The following EFNA5 variants were observed in gnomAD, a reference collection of about 807,000 sequenced individuals.
EFNA5 encodes the protein ephrin A5.
EFNA5 carries 5 observed loss-of-function variants against 22.9 expected under a neutral mutation model. That is an observed-to-expected ratio of 0.22 (90% CI 0.11 to 0.46). EFNA5 has a LOEUF of 0.46. EFNA5 is among the 20% of genes least tolerant of loss of function. The probability of loss-of-function intolerance (pLI) is 0.99; values close to 1 mark genes in which losing one functional copy is unlikely to be tolerated. For missense variants in EFNA5, 237 were observed against 293.3 expected (o/e 0.81, Z 1.40); for synonymous variants, 113 against 112.2 (o/e 1.01, Z -0.04).
intron 1 of EFNA5, among the ~76,000 whole-genome samples, chr5:107,619,007 T>C (rs35532): frequency 0.024 from 3,585 of 151,926 alleles, 58 homozygotes; most frequent in Non-Finnish European, 0.037. Flanking sequence ...CTGCAAGCTC[T>C]GCCTCCCGGG....
chr5:107,544,728 A>G (rs1032054955), intron 1 of EFNA5, among the ~76,000 whole-genome samples: 4 of 152,182 alleles, frequency 2.6e-5, no homozygotes, highest in African/African-American at 9.7e-5. Flanking sequence ...CCATACTAGA[A>G]TTATTTCTTT....
intron 1 of EFNA5, among the ~76,000 whole-genome samples, chr5:107,514,694 A>G (rs1292040737): frequency 1.3e-5 from 2 of 152,200 alleles, no homozygotes; most frequent in African/African-American, 4.8e-5. Flanking sequence ...AGGAGGAGAA[A>G]CAAATGCTCA....
intron 1 of EFNA5, among the ~76,000 whole-genome samples, chr5:107,549,858 C>G (rs1191256604): frequency 1.3e-5 from 2 of 152,244 alleles, no homozygotes; most frequent in African/African-American, 4.8e-5. Context: ...CTGTCCAGAT[C>G]CTTCAGCACC....
intron 1 of EFNA5, among the ~76,000 whole-genome samples, chr5:107,458,387 T>G (rs752594874): frequency 1.3e-5 from 2 of 151,984 alleles, no homozygotes; most frequent in Non-Finnish European, 2.9e-5. Context: ...TGTAATTACA[T>G]TTTGAGATGT....
At chr5:107,547,749 T>C (rs1444568665) in intron 1 of EFNA5, among the ~76,000 whole-genome samples, 1 of 152,214 alleles carries the variant, frequency 6.6e-6, no homozygotes, top group Admixed American at 6.5e-5. Flanking sequence ...TAATTGTGAA[T>C]GATTACAAGA....
In EFNA5 at chr5:107,387,333, A is replaced by G; in HGVS notation, c.485-18T>C. On this transcript the variant is annotated intron_variant, in intron 3 of 4. Coordinates refer to ENST00000333274, the MANE Select transcript of EFNA5 (RefSeq NM_001962.3). ...ACAGCTATCTATAACAAAAATAGAG[A>G]TAACAGCCAAATATGTTAGTGAAGA... The G allele has an allele frequency of 6.5e-7, 1 of 1,530,284 alleles. No homozygotes were observed. Among genetic ancestry groups the G allele is most frequent in the Non-Finnish European group, 9.0e-7 (1 of 1,114,990 alleles). The allele number at this position is 1,530,284 out of a possible 1,614,324, so 94.8% of individuals were successfully genotyped here.
chr5:107,591,917 T>TATATA lies in EFNA5; in HGVS notation c.125+78567_125+78571dup, dbSNP rs1561442915. ...TATATATAATATATAATATAAAAAA[T>TATATA]ATATATATAATATATAATATATATA... is the stretch of plus-strand genomic sequence containing the variant. On this transcript the variant is annotated intron_variant, in intron 1 of 4. Coordinates refer to ENST00000333274, the MANE Select transcript of EFNA5 (RefSeq NM_001962.3). 8.8e-3 allele frequency among the ~76,000 whole-genome samples: 58 copies of TATATA among 6,584 alleles called. 8 individuals carry two copies. In the African/African-American group the frequency reaches 0.097, roughly 11 times the overall value. 4.3% of individuals were successfully genotyped at this position (6,584 alleles called of 152,430 possible).
chr5:107,581,467 C>T (rs577046789), intron 1 of EFNA5, among the ~76,000 whole-genome samples: 2 of 152,302 alleles, frequency 1.3e-5, no homozygotes, highest in Admixed American at 6.5e-5. Flanking sequence ...TAGTCTACAG[C>T]ACATCGAATA....
chr5:107,559,431 A>T (rs1332533815), intron 1 of EFNA5, among the ~76,000 whole-genome samples: 1 of 152,204 alleles, frequency 6.6e-6, no homozygotes, highest in Non-Finnish European at 1.5e-5. Flanking sequence ...TGAGCACTGA[A>T]TATTTACTGA....
At chr5:107,622,449 T>C (rs1750055621) in intron 1 of EFNA5, among the ~76,000 whole-genome samples, 1 of 152,202 alleles carries the variant, frequency 6.6e-6, no homozygotes, top group Non-Finnish European at 1.5e-5. Flanking sequence ...GAAGCTATGG[T>C]TGAAAAATCA....
intron 1 of EFNA5, among the ~76,000 whole-genome samples, chr5:107,552,358 GCTCA>G (rs911580179): frequency 2.6e-5 from 4 of 152,118 alleles, no homozygotes; most frequent in African/African-American, 9.7e-5. Context: ...TTGGCATCAT[GCTCA>G]CTATGTATTA....
intron 1 of EFNA5, among the ~76,000 whole-genome samples, chr5:107,541,184 T>C: frequency 9.2e-6 from 1 of 108,706 alleles, no homozygotes; most frequent in African/African-American, 3.6e-5. Context: ...AAAGTAATTA[T>C]AATAAGTGAT....
chr5:107,485,864 T>A (rs1010048301), intron 1 of EFNA5, among the ~76,000 whole-genome samples: 1 of 152,332 alleles, frequency 6.6e-6, no homozygotes, highest in African/African-American at 2.4e-5. Context: ...TCGTTTTTTT[T>A]AAGCTAGATC....
chr5:107,505,374 A>C (rs1747231117), intron 1 of EFNA5, among the ~76,000 whole-genome samples: 1 of 152,206 alleles, frequency 6.6e-6, no homozygotes, highest in Admixed American at 6.5e-5. Flanking sequence ...TAAAACTACA[A>C]GGTGCACTGT....
intron 1 of EFNA5, among the ~76,000 whole-genome samples, chr5:107,475,881 C>T (rs1414070521): frequency 3.3e-5 from 5 of 150,930 alleles, no homozygotes; most frequent in Non-Finnish European, 7.4e-5. Context: ...TGAATATCAA[C>T]ACTTCCCAGA....
At chr5:107,468,719 T>A (rs1358277525) in intron 1 of EFNA5, among the ~76,000 whole-genome samples, 1 of 152,116 alleles carries the variant, frequency 6.6e-6, no homozygotes, top group Admixed American at 6.5e-5. Flanking sequence ...GAAATTAAAC[T>A]CATTAATTAA....
At chr5:107,568,023 A>T (rs1580534434) in intron 1 of EFNA5, among the ~76,000 whole-genome samples, 1 of 152,268 alleles carries the variant, frequency 6.6e-6, no homozygotes, top group South Asian at 2.1e-4. Flanking sequence ...CAGCTTCCCA[A>T]GTAGCTGGGA....
At chr5:107,467,822 G>T (rs892193600) in intron 1 of EFNA5, among the ~76,000 whole-genome samples, 6 of 152,158 alleles carry the variant, frequency 3.9e-5, no homozygotes, top group Non-Finnish European at 8.8e-5. Flanking sequence ...AGAGACCAGT[G>T]ACCCACTGTC....
At chr5:107,441,968 T>G (rs1366130845) in intron 1 of EFNA5, among the ~76,000 whole-genome samples, 1 of 152,172 alleles carries the variant, frequency 6.6e-6, no homozygotes, top group African/African-American at 2.4e-5. Flanking sequence ...ATAAAGGTTT[T>G]GACTCAACAA....
Sources: gnomAD v4.1 joint callset for allele counts (sites outside exome capture counted in the v4.1 genomes callset) on GRCh38, gnomAD v4.1.1 for gene constraint, MANE v1.5 for transcripts, NCBI Gene and HGNC (gene_info 2026-07-23, HGNC 2026-07-21) for gene names.